The following RGS6 variants were observed in gnomAD, a reference collection of about 807,000 sequenced individuals.
The protein encoded by RGS6 is regulator of G protein signaling 6.
A neutral mutation model predicts 78.5 loss-of-function variants in RGS6; 30 were observed. The observed-to-expected ratio is 0.38, with a 90% CI of 0.29 to 0.52. The LOEUF is 0.52. Among genes scored for constraint, RGS6 ranks in the 20% least tolerant of loss-of-function variants. The pLI, the probability that RGS6 is intolerant of heterozygous loss-of-function variation, is 0.85. For synonymous variants in RGS6, 206 were observed against 206.0 expected, an observed-to-expected ratio of 1.00 and a Z score of 0.00; for missense variants, 495 against 609.7, an observed-to-expected ratio of 0.81 and a Z score of 1.98.
intron 2 of RGS6, among the ~76,000 whole-genome samples, chr14:72,148,532 A>G (rs1179656410): frequency 6.6e-6 from 1 of 152,236 alleles, no homozygotes; most frequent in Non-Finnish European, 1.5e-5. Context: ...TAGTAAGATC[A>G]TCCAGGGTGC....
At chr14:72,310,704 C>G (rs983847139) in intron 2 of RGS6, among the ~76,000 whole-genome samples, 8 of 152,158 alleles carry the variant, frequency 5.3e-5, no homozygotes, top group African/African-American at 1.9e-4. Flanking sequence ...AAATGACTGT[C>G]CACCTTCACA....
chr14:72,058,629 TG>T (rs1002507389), intron 2 of RGS6, among the ~76,000 whole-genome samples: 53 of 152,224 alleles, frequency 3.5e-4, no homozygotes, highest in Non-Finnish European at 4.4e-4. Context: ...TTCAGAGAGA[TG>T]AAGTCACTCA....
intron 3 of RGS6, among the ~76,000 whole-genome samples, chr14:72,416,982 T>C (rs2093859854): frequency 6.6e-6 from 1 of 152,164 alleles, no homozygotes. Flanking sequence ...TATGCCTTAG[T>C]AGATGTTAGC....
At chr14:72,380,155 A>G (rs1358115359) in intron 3 of RGS6, among the ~76,000 whole-genome samples, 2 of 152,080 alleles carry the variant, frequency 1.3e-5, no homozygotes, top group Non-Finnish European at 2.9e-5. Flanking sequence ...CTCTCATCCT[A>G]TACTAAAGCC....
chr14:72,017,977 A>G (rs1296130156), intron 2 of RGS6, among the ~76,000 whole-genome samples: 1 of 152,036 alleles, frequency 6.6e-6, no homozygotes, highest in Non-Finnish European at 1.5e-5. Flanking sequence ...CCATGTGTCC[A>G]TGTATTCTCA....
chr14:72,416,157 A>G (rs2093796810), intron 3 of RGS6, among the ~76,000 whole-genome samples: 1 of 152,104 alleles, frequency 6.6e-6, no homozygotes, highest in Admixed American at 6.5e-5. Context: ...AAAAAAAAAA[A>G]AAAAAGTTTA....
At chr14:72,009,893 A>T (rs553122514) in intron 2 of RGS6, among the ~76,000 whole-genome samples, 1 of 152,326 alleles carries the variant, frequency 6.6e-6, no homozygotes. Context: ...GAAGAAGTTC[A>T]TAGTCCATTT....
At chr14:72,172,387 T>A (rs1567375126) in intron 2 of RGS6, among the ~76,000 whole-genome samples, 1 of 151,850 alleles carries the variant, frequency 6.6e-6, no homozygotes, top group Admixed American at 6.6e-5. Flanking sequence ...AGTTACTGTT[T>A]GGGGGATTAC....
the RGS6 span, among the ~76,000 whole-genome samples, chr14:71,878,230 C>A: frequency 3.3e-5 from 5 of 152,208 alleles, no homozygotes; most frequent in African/African-American, 1.2e-4. Flanking sequence ...ACGTTTAAGT[C>A]TGCAGAAGTT....
At chr14:72,206,607 A>G (rs906500946) in intron 2 of RGS6, among the ~76,000 whole-genome samples, 4 of 152,146 alleles carry the variant, frequency 2.6e-5, no homozygotes, top group African/African-American at 9.7e-5. Flanking sequence ...GCGGGAGGAA[A>G]GGAGGAGCAA....
chr14:72,476,817 A>T lies in RGS6; in HGVS notation c.769A>T (p.Thr257Ser), dbSNP rs1373730595. 3 of 1,614,062 alleles carry T rather than the reference A, an allele frequency of 1.9e-6. No individual in the cohort carries two copies. Among genetic ancestry groups the T allele is most frequent in the Non-Finnish European group, 2.5e-6 (3 of 1,180,016 alleles). ...HVLSQPIRKT[T>S]KEDIRKQITF... ...ACTCAGCCAACCAATCAGGAAAACA[A>T]CAAAAGAGGACATCCGGAAACAGGT... Residue 257 changes from threonine (T) to serine (S), a missense_variant, in exon 11 of 18, where the codon ACA becomes TCA. Thr to Ser is a moderately conservative substitution (Grantham distance 58, BLOSUM62 1). Coordinates refer to ENST00000553525, the MANE Select transcript of RGS6 (RefSeq NM_001204424.2).
At chr14:72,206,966 G>T (rs1019192775) in intron 2 of RGS6, among the ~76,000 whole-genome samples, 7 of 152,080 alleles carry the variant, frequency 4.6e-5, no homozygotes, top group African/African-American at 1.7e-4. Flanking sequence ...TTTTCTAGAG[G>T]GTAGGAGGGT....
At chr14:72,226,574 C>T (rs181419044) in intron 2 of RGS6, among the ~76,000 whole-genome samples, 5 of 152,260 alleles carry the variant, frequency 3.3e-5, no homozygotes, top group African/African-American at 4.8e-5. Flanking sequence ...GTGTGGTCCA[C>T]GGACCAGTGG....
chr14:72,331,490 G>C (rs1196914591), intron 2 of RGS6, among the ~76,000 whole-genome samples: 1 of 152,188 alleles, frequency 6.6e-6, no homozygotes, highest in Non-Finnish European at 1.5e-5. Flanking sequence ...ATTGCCCCGG[G>C]AGTGCAGCGC....
At chr14:72,041,908 A>G (rs1195094594) in intron 2 of RGS6, among the ~76,000 whole-genome samples, 1 of 152,076 alleles carries the variant, frequency 6.6e-6, no homozygotes, top group Non-Finnish European at 1.5e-5. Context: ...ATGTCATTGT[A>G]TTGGGGGGTC....
chr14:72,111,028 T>C (rs1434262828), intron 2 of RGS6, among the ~76,000 whole-genome samples: 1 of 152,176 alleles, frequency 6.6e-6, no homozygotes, highest in African/African-American at 2.4e-5. Context: ...CTTTTTCTCA[T>C]TGTTCCTCAA....
intron 1 of RGS6, among the ~76,000 whole-genome samples, chr14:71,964,022 T>A (rs979073629): frequency 1.4e-5 from 2 of 147,250 alleles, no homozygotes; most frequent in Admixed American, 6.9e-5. Flanking sequence ...TGCCAAGACT[T>A]ACTTGAGGTT....
Position 72,199,773 on chromosome 14 carries a change from A to G in RGS6, c.85-152322A>G, listed in dbSNP as rs760804737. On this transcript the variant is annotated intron_variant, in intron 2 of 17. Transcript: ENST00000553525. Reference sequence around the variant, plus strand: ...TGTACAGGGTCTAAGTGGTGGAAGGATGTGTCTTTCCTTTAATGTGATATA... The same window carrying G: ...TGTACAGGGTCTAAGTGGTGGAAGGGTGTGTCTTTCCTTTAATGTGATATA... Among the ~76,000 whole-genome samples, 46 of 152,298 alleles carry G rather than the reference A, an allele frequency of 3.0e-4. 1 individual carries two copies. The highest frequency in any genetic ancestry group is 5.6e-4 in the Non-Finnish European group (38 of 68,016).
intron 6 of RGS6, among the ~76,000 whole-genome samples, chr14:72,464,231 C>T (rs1461277015): frequency 6.6e-6 from 1 of 152,192 alleles, no homozygotes; most frequent in East Asian, 1.9e-4. Flanking sequence ...AGCTAACTCT[C>T]CTTCATTAAA....
Sources: gnomAD v4.1 joint callset for allele counts (sites outside exome capture counted in the v4.1 genomes callset) on GRCh38, gnomAD v4.1.1 for gene constraint, MANE v1.5 for transcripts, NCBI Gene and HGNC (gene_info 2026-07-23, HGNC 2026-07-21) for gene names.